Variants in SLC44A5 observed in about 807,000 individuals in gnomAD.
SLC44A5 encodes the protein choline transporter-like protein 5.
SLC44A5 carries 57 observed loss-of-function variants against 101.8 expected under a neutral mutation model. That is an observed-to-expected ratio of 0.56 (90% CI 0.45 to 0.70). The LOEUF is 0.70. Ranked by LOEUF, SLC44A5 falls within the 30% of genes least tolerant of loss-of-function variation. The pLI, the probability that SLC44A5 is intolerant of heterozygous loss-of-function variation, is 0.00. For missense variants in SLC44A5, 737 were observed against 853.1 expected (o/e 0.86, Z 1.70); for synonymous variants, 281 against 290.9 (o/e 0.97, Z 0.35).
chr1:75,491,377 C>A (rs1557842388), intron 2 of SLC44A5, among the ~76,000 whole-genome samples: 1 of 152,026 alleles, frequency 6.6e-6, no homozygotes, highest in African/African-American at 2.4e-5. Context: ...TGTGAATTAA[C>A]CAATCCAGGA....
At chr1:75,627,897 G>A in the SLC44A5 span, among the ~76,000 whole-genome samples, 1 of 147,114 alleles carries the variant, frequency 6.8e-6, no homozygotes, top group Admixed American at 7.0e-5. Context: ...TGAGCATCTA[G>A]TATGAGTTGA....
the SLC44A5 span, among the ~76,000 whole-genome samples, chr1:75,663,014 A>G: frequency 2.0e-5 from 3 of 152,192 alleles, no homozygotes; most frequent in Non-Finnish European, 4.4e-5. Context: ...AAAGTAATAC[A>G]TGATTCAATA....
chr1:75,577,401 T>C (rs1024471414), intron 1 of SLC44A5, among the ~76,000 whole-genome samples: 2 of 152,242 alleles, frequency 1.3e-5, no homozygotes, highest in African/African-American at 4.8e-5. Context: ...GCCATGAGCA[T>C]CTCTGCTTCT....
At chr1:75,308,178 A>G (rs999859885) in intron 4 of SLC44A5, among the ~76,000 whole-genome samples, 1 of 152,130 alleles carries the variant, frequency 6.6e-6, no homozygotes, top group African/African-American at 2.4e-5. Flanking sequence ...AATATTGATA[A>G]TATCTTTCAA....
chr1:75,243,817 C>T (rs1648872868), intron 7 of SLC44A5, among the ~76,000 whole-genome samples: 3 of 152,052 alleles, frequency 2.0e-5, no homozygotes, highest in Admixed American at 2.0e-4. Flanking sequence ...TGCAGCAGCA[C>T]CCTGTTCTTA....
intron 3 of SLC44A5, among the ~76,000 whole-genome samples, chr1:75,395,303 C>T (rs1662053160): frequency 6.6e-6 from 1 of 152,118 alleles, no homozygotes; most frequent in Admixed American, 6.6e-5. Flanking sequence ...ATTCAGACTT[C>T]TGATGGCACA....
At chr1:75,216,728 T>C (rs1171959092) in intron 18 of SLC44A5, among the ~76,000 whole-genome samples, 1 of 152,064 alleles carries the variant, frequency 6.6e-6, no homozygotes, top group African/African-American at 2.4e-5. Flanking sequence ...TCTTTTCATG[T>C]CCTCATTGGC....
intron 3 of SLC44A5, among the ~76,000 whole-genome samples, chr1:75,368,194 T>A (rs141763965): frequency 1.2e-4 from 19 of 152,234 alleles, no homozygotes; most frequent in African/African-American, 4.3e-4. Context: ...CTCATAAATA[T>A]CACATTTTAC....
intron 15 of SLC44A5, among the ~76,000 whole-genome samples, chr1:75,219,545 ATGT>A (rs1274847793): frequency 3.4e-4 from 52 of 152,294 alleles, no homozygotes; most frequent in Admixed American, 1.1e-3. Context: ...AAACAGTAAA[ATGT>A]ATAGGAGCTT....
At chr1:75,467,168 A>C (rs1570365129) in intron 2 of SLC44A5, among the ~76,000 whole-genome samples, 1 of 152,186 alleles carries the variant, frequency 6.6e-6, no homozygotes, top group Non-Finnish European at 1.5e-5. Flanking sequence ...ACACTGATGA[A>C]AGAAATTTAA....
Position 75,576,458 on chromosome 1 carries a change from C to A in SLC44A5, c.-70+34582G>T, listed in dbSNP as rs140675338. Among the ~76,000 whole-genome samples, 924 of 150,882 alleles carry A rather than the reference C, an allele frequency of 6.1e-3. 12 individuals carry two copies. The highest frequency in any genetic ancestry group is 0.021 in the African/African-American group (875 of 41,330). On this transcript the variant is annotated intron_variant, in intron 1 of 23. Transcript: ENST00000370859. ...GCCTCCGAGTAGCTGGGACTACAGG[C>A]GCCCGCCACCACGCCCGGCTAATTT... is the stretch of plus-strand genomic sequence containing the variant.
At position 75,249,725 on chromosome 1, in the gene SLC44A5, A is replaced by G. The variant is rs80257663; in HGVS notation, c.345+1485T>C. ...GTGTCAAGACTTGATAAAGAGAACT[A>G]TACATCATCTATAGATTCTGGACTT... On this transcript the variant is annotated intron_variant, in intron 7 of 23. Transcript: ENST00000370859. 4.9e-3 allele frequency among the ~76,000 whole-genome samples: 747 copies of G among 152,330 alleles called. 53 individuals carry two copies. The East Asian group carries it at 0.13, about 26-fold the overall frequency.
At chr1:75,246,790 T>C (rs1649147313) in intron 7 of SLC44A5, among the ~76,000 whole-genome samples, 1 of 152,060 alleles carries the variant, frequency 6.6e-6, no homozygotes, top group Admixed American at 6.6e-5. Flanking sequence ...GGAAAAATAA[T>C]TCTCTAGGTA....
chr1:75,500,632 G>A (rs1187499374), intron 2 of SLC44A5, among the ~76,000 whole-genome samples: 1 of 152,064 alleles, frequency 6.6e-6, no homozygotes. Flanking sequence ...CACATTTTAG[G>A]TATTTTTGTT....
chr1:75,516,445 A>C (rs1025658798), intron 2 of SLC44A5, among the ~76,000 whole-genome samples: 1 of 152,156 alleles, frequency 6.6e-6, no homozygotes, highest in African/African-American at 2.4e-5. Flanking sequence ...TGAACCTGGG[A>C]GGCGGAGCTT....
At chr1:75,588,655 C>T (rs1354116244) in intron 1 of SLC44A5, among the ~76,000 whole-genome samples, 2 of 151,966 alleles carry the variant, frequency 1.3e-5, no homozygotes, top group Non-Finnish European at 2.9e-5. Flanking sequence ...ACATTGTACC[C>T]GGCATGATAG....
intron 6 of SLC44A5, among the ~76,000 whole-genome samples, chr1:75,260,029 C>T (rs1007791473): frequency 2.6e-5 from 4 of 152,068 alleles, no homozygotes; most frequent in Admixed American, 6.5e-5. Context: ...CTGAAGGAAG[C>T]GCTAAACATG....
chr1:75,279,874 C>T (rs1054010679), intron 5 of SLC44A5, among the ~76,000 whole-genome samples: 5 of 151,776 alleles, frequency 3.3e-5, no homozygotes, highest in African/African-American at 9.7e-5. Flanking sequence ...ACATTCTACC[C>T]AATGTGTAGT....
At chr1:75,302,139 T>TTTTTTTTTTTTATA (rs1316933855) in intron 4 of SLC44A5, among the ~76,000 whole-genome samples, 1 of 121,380 alleles carries the variant, frequency 8.2e-6, no homozygotes, top group Admixed American at 8.9e-5. Context: ...TTTTTTTTGG[T>TTTTTTTTTTTTATA]TAACAACCAT....
Sources: allele counts gnomAD v4.1 joint callset (sites outside exome capture counted in the v4.1 genomes callset), GRCh38; gene constraint gnomAD v4.1.1; transcripts MANE v1.5; gene names NCBI Gene and HGNC (gene_info 2026-07-23, HGNC 2026-07-21).